PPP1R12B: variants seen among roughly 807,000 people sequenced by gnomAD.
The protein encoded by PPP1R12B is myosin phosphatase target subunit 2.
In PPP1R12B, 76 loss-of-function variants were observed where a neutral mutation model predicts 126.1. The observed-to-expected ratio is 0.60, with a 90% CI of 0.50 to 0.73. PPP1R12B has a LOEUF of 0.73. Ranked by LOEUF, PPP1R12B falls within the 30% of genes least tolerant of loss-of-function variation. PPP1R12B has a pLI of 0.00. For synonymous variants in PPP1R12B, 356 were observed against 434.7 expected (o/e 0.82, Z 2.25); for missense variants, 1,052 against 1,205.1 (o/e 0.87, Z 1.88).
intron 1 of PPP1R12B, among the ~76,000 whole-genome samples, chr1:202,361,909 A>G (rs1658282299): frequency 6.6e-6 from 1 of 152,162 alleles, no homozygotes; most frequent in African/African-American, 2.4e-5. Context: ...ACATTGGGGC[A>G]TTCATATGGA....
rs564086131 is a variant in PPP1R12B, at chr1:202,463,089, A to C, written c.1850+13918A>C. The C allele has an allele frequency of 4.9e-4, 485 of 983,252 alleles. 1 individual carries two copies. Among genetic ancestry groups the C allele is most frequent in the Non-Finnish European group, 5.5e-4 (459 of 827,970 alleles). 60.9% of individuals were successfully genotyped at this position (983,252 alleles called of 1,614,324 possible). A position where few individuals can be genotyped will look rare whatever the true frequency, so the allele number is the denominator to read the frequency against. ...GCAAGTGCTGGGCCTGGAATGTCAGAAGCAGCAGGTAAAATTTCTTTGTTT... is the reference window on the plus strand; with the variant it reads ...GCAAGTGCTGGGCCTGGAATGTCAGCAGCAGCAGGTAAAATTTCTTTGTTT... On this transcript the variant is annotated intron_variant, in intron 13 of 23. Transcript: ENST00000608999.
chr1:202,549,436 T>C (rs74830529), intron 18 of PPP1R12B, among the ~76,000 whole-genome samples: 1 of 151,830 alleles, frequency 6.6e-6, no homozygotes, highest in Non-Finnish European at 1.5e-5. Flanking sequence ...TTTTTTTTTT[T>C]TGAGACGGAG....
intron 18 of PPP1R12B, among the ~76,000 whole-genome samples, chr1:202,546,424 G>A (rs765474929): frequency 5.9e-5 from 9 of 152,132 alleles, no homozygotes; most frequent in Non-Finnish European, 1.0e-4. Flanking sequence ...GGGCAATGGA[G>A]TAAGAACTGT....
intron 1 of PPP1R12B, among the ~76,000 whole-genome samples, chr1:202,415,905 T>G (rs561112088): frequency 6.6e-6 from 1 of 152,196 alleles, no homozygotes; most frequent in Non-Finnish European, 1.5e-5. Flanking sequence ...AACTTCCCAC[T>G]GAGAAAAACT....
chr1:202,573,057 C>T (rs1688758235), intron 23 of PPP1R12B, among the ~76,000 whole-genome samples: 1 of 152,222 alleles, frequency 6.6e-6, no homozygotes, highest in Non-Finnish European at 1.5e-5. Flanking sequence ...AGTACCACTT[C>T]ATACAATGAC....
intron 1 of PPP1R12B, among the ~76,000 whole-genome samples, chr1:202,353,734 C>T (rs563673761): frequency 1.3e-5 from 2 of 151,808 alleles, no homozygotes; most frequent in South Asian, 2.1e-4. Context: ...CCTCAGCCTC[C>T]TTAGTAACTG....
chr1:202,482,857 A>G (rs1677578571), intron 13 of PPP1R12B, among the ~76,000 whole-genome samples: 1 of 152,216 alleles, frequency 6.6e-6, no homozygotes, highest in Non-Finnish European at 1.5e-5. Flanking sequence ...GTTATCTTCT[A>G]GGTAGTTCCA....
At chr1:202,393,065 C>T (rs1202436593) in intron 1 of PPP1R12B, among the ~76,000 whole-genome samples, 1 of 152,112 alleles carries the variant, frequency 6.6e-6, no homozygotes, top group African/African-American at 2.4e-5. Context: ...CGTGCCTCAG[C>T]CTCCTCAGGG....
rs1188519455 is a variant in PPP1R12B, at chr1:202,584,297, A to G, written c.*3737A>G. The G allele has an allele frequency of 6.6e-6, 1 of 152,184 alleles. No homozygotes were observed. Among genetic ancestry groups the G allele is most frequent in the Non-Finnish European group, 1.5e-5 (1 of 68,024 alleles). The allele number at this position is 152,184 out of a possible 1,614,324, so 9.4% of individuals were successfully genotyped here. A position where few individuals can be genotyped will look rare whatever the true frequency, so the allele number is the denominator to read the frequency against. On this transcript the variant is annotated 3_prime_UTR_variant, in exon 24 of 24. Transcript: ENST00000608999. ...AGAAGACTTAGATTCATTTATTGCT[A>G]TCTGAGGCCACTAGTGAGATTTCAG... is the stretch of plus-strand genomic sequence containing the variant.
At chr1:202,442,359 C>T (rs1489199772) in intron 11 of PPP1R12B, 88 bp from the exon 12 acceptor site, 1 of 1,432,558 alleles carries the variant, frequency 7.0e-7, no homozygotes. Context: ...TATAGTTTGC[C>T]TGTCTGGCTC....
intron 13 of PPP1R12B, chr1:202,472,075 C>T (rs1297309197): frequency 1.8e-5 from 29 of 1,591,750 alleles, no homozygotes; most frequent in Non-Finnish European, 2.4e-5. Context: ...TTCCTCTTCT[C>T]CTCTTCTGGA....
intron 9 of PPP1R12B, among the ~76,000 whole-genome samples, chr1:202,436,150 C>T (rs1359357425): frequency 6.6e-6 from 1 of 152,048 alleles, no homozygotes; most frequent in Non-Finnish European, 1.5e-5. Context: ...GTCCCAGTGA[C>T]TTGGGACTGG....
Position 202,445,149 on chromosome 1 carries a change from C to T in PPP1R12B, c.1667+2577C>T, listed in dbSNP as rs747565424. 79 of 1,246,600 alleles carry T rather than the reference C, an allele frequency of 6.3e-5. 1 individual carries two copies. In the South Asian group the frequency reaches 1.6e-3, roughly 25 times the overall value. The allele number at this position is 1,246,600 out of a possible 1,614,324, so 77.2% of individuals were successfully genotyped here. On this transcript the variant is annotated intron_variant, in intron 12 of 23. Transcript: ENST00000608999. ...CATTACCATTGGTTCATCTACCTCT[C>T]GGGGCAGCCAGTGGCAACCTGCCTC...
chr1:202,461,680 G>T (rs1435553330), intron 13 of PPP1R12B, among the ~76,000 whole-genome samples: 1 of 152,056 alleles, frequency 6.6e-6, no homozygotes, highest in Non-Finnish European at 1.5e-5. Flanking sequence ...AAGCTCACTT[G>T]TCCTGCCTCT....
intron 23 of PPP1R12B, among the ~76,000 whole-genome samples, chr1:202,572,705 C>T (rs1468551939): frequency 1.3e-5 from 2 of 152,216 alleles, no homozygotes; most frequent in Admixed American, 6.5e-5. Context: ...GTCAGACCTT[C>T]TCCCCTTCCT....
chr1:202,520,339 T>C (rs1018951558), intron 18 of PPP1R12B, among the ~76,000 whole-genome samples: 1 of 152,210 alleles, frequency 6.6e-6, no homozygotes, highest in African/African-American at 2.4e-5. Flanking sequence ...AGCTGATGGC[T>C]GTCTTCCAGG....
At chr1:202,428,271 A>G (rs910097059) in intron 5 of PPP1R12B, among the ~76,000 whole-genome samples, 2 of 152,134 alleles carry the variant, frequency 1.3e-5, no homozygotes, top group Non-Finnish European at 2.9e-5. Flanking sequence ...CCCAGCCCAT[A>G]TATGTACTGA....
chr1:202,440,868 C>A, intron 11 of PPP1R12B, 80 bp downstream of exon 11: 1 of 1,211,788 alleles, frequency 8.3e-7, no homozygotes, highest in Non-Finnish European at 1.2e-6. Flanking sequence ...CATTACTCTT[C>A]TGCATTTTTC....
chr1:202,373,290 A>G (rs1341749074), intron 1 of PPP1R12B, among the ~76,000 whole-genome samples: 3 of 152,186 alleles, frequency 2.0e-5, no homozygotes, highest in African/African-American at 4.8e-5. Flanking sequence ...GACACTATAA[A>G]GTTTTTAATT....
Sources: allele counts gnomAD v4.1 joint callset (sites outside exome capture counted in the v4.1 genomes callset), GRCh38; gene constraint gnomAD v4.1.1; transcripts MANE v1.5; gene names NCBI Gene and HGNC (gene_info 2026-07-23, HGNC 2026-07-21).